Variants in DENND1B observed in about 807,000 individuals in gnomAD.
The protein encoded by DENND1B is DENN domain containing 1B, also known as DENN domain-containing protein 1B.
DENND1B carries 59 observed loss-of-function variants against 90.1 expected under a neutral mutation model. The observed-to-expected ratio is 0.65, with a 90% CI of 0.53 to 0.81. DENND1B has a LOEUF of 0.81. Among genes scored for constraint, DENND1B ranks in the 40% least tolerant of loss-of-function variants. The pLI, the probability that DENND1B is intolerant of heterozygous loss-of-function variation, is 0.00. For missense variants in DENND1B, 862 were observed against 912.6 expected, an observed-to-expected ratio of 0.94 and a Z score of 0.71; for synonymous variants, 337 against 324.6, an observed-to-expected ratio of 1.04 and a Z score of -0.41.
At position 197,623,478 on chromosome 1, in the gene DENND1B, G is replaced by GA. The variant is rs1465600351; in HGVS notation, c.673-5720dup. Among the ~76,000 whole-genome samples the GA allele has an allele frequency of 3.3e-5, 5 of 151,574 alleles. No homozygotes were observed. In the East Asian group the frequency reaches 9.7e-4, roughly 30 times the overall value. ...TTAACTACTAAATAGTCTCACTTAA[G>GA]AAAAACTCTAATATTCAAATTAAGT... On this transcript the variant is annotated intron_variant, in intron 10 of 22. Coordinates refer to ENST00000620048, the MANE Select transcript of DENND1B (RefSeq NM_001195215.2).
chr1:197,617,556 T>C lies in DENND1B; in HGVS notation c.773+103A>G, dbSNP rs577890597. 8 of 764,768 alleles carry C rather than the reference T, an allele frequency of 1.0e-5. No individual in the cohort carries two copies. In the African/African-American group the frequency reaches 1.2e-4, roughly 12 times the overall value. The allele number at this position is 764,768 out of a possible 1,614,324, so 47.4% of individuals were successfully genotyped here. A position where few individuals can be genotyped will look rare whatever the true frequency, so the allele number is the denominator to read the frequency against. On this transcript the variant is annotated intron_variant, in intron 11 of 22. Coordinates refer to ENST00000620048, the MANE Select transcript of DENND1B (RefSeq NM_001195215.2). ...CTATTTATTAAAATGTAAGTTTCTG[T>C]GATTTCTTTTAAATATGCCCCCAAG...
chr1:197,708,081 C>G (rs1410797600), intron 3 of DENND1B, among the ~76,000 whole-genome samples: 1 of 139,110 alleles, frequency 7.2e-6, no homozygotes, highest in Non-Finnish European at 1.6e-5. Context: ...GGTCCTACGC[C>G]CACGGAATCG....
chr1:197,525,783 G>A (rs1669095800), intron 20 of DENND1B, among the ~76,000 whole-genome samples: 1 of 151,984 alleles, frequency 6.6e-6, no homozygotes, highest in African/African-American at 2.4e-5. Flanking sequence ...GTATTAAAAT[G>A]CTTCTGGTGT....
intron 20 of DENND1B, among the ~76,000 whole-genome samples, chr1:197,528,349 T>C (rs1016674054): frequency 1.3e-5 from 2 of 152,174 alleles, no homozygotes; most frequent in East Asian, 1.9e-4. Context: ...TAAAAGTATA[T>C]ATGACTTCTG....
chr1:197,687,116 GTTGAGAACATGAACACAGAGTTCAGAA>G (rs1477004142), intron 3 of DENND1B, among the ~76,000 whole-genome samples: 1 of 152,194 alleles, frequency 6.6e-6, no homozygotes, highest in African/African-American at 2.4e-5. Context: ...AGTATAAATA[GTTGAGAACATGAACACAGAGTTCAGAA>G]TGCATTGACT....
At chr1:197,519,191 T>C (rs1237499983) in intron 20 of DENND1B, among the ~76,000 whole-genome samples, 1 of 151,924 alleles carries the variant, frequency 6.6e-6, no homozygotes, top group Non-Finnish European at 1.5e-5. Flanking sequence ...CTTACTGGGG[T>C]TTCCATATTA....
chr1:197,613,853 C>T (rs563157699), intron 11 of DENND1B, among the ~76,000 whole-genome samples: 6 of 151,002 alleles, frequency 4.0e-5, no homozygotes, highest in African/African-American at 1.5e-4. Context: ...CAGAAAAGCC[C>T]ATGCTGTCTG....
At chr1:197,580,919 G>C (rs994232631) in intron 15 of DENND1B, among the ~76,000 whole-genome samples, 6 of 152,022 alleles carry the variant, frequency 3.9e-5, no homozygotes, top group African/African-American at 1.4e-4. Flanking sequence ...GTAGTATGTA[G>C]GTTATTTATG....
At chr1:197,556,756 G>C (rs780381195) in intron 15 of DENND1B, among the ~76,000 whole-genome samples, 2 of 151,856 alleles carry the variant, frequency 1.3e-5, no homozygotes, top group Non-Finnish European at 2.9e-5. Context: ...ATTGCAAAGA[G>C]CTAATTAAAA....
chr1:197,753,654 T>C (rs1653864588), intron 2 of DENND1B, among the ~76,000 whole-genome samples: 1 of 152,030 alleles, frequency 6.6e-6, no homozygotes, highest in Non-Finnish European at 1.5e-5. Context: ...GCAAGTGATA[T>C]ATGGGAAAAC....
At chr1:197,657,070 C>G (rs1572216425) in intron 6 of DENND1B, among the ~76,000 whole-genome samples, 1 of 152,138 alleles carries the variant, frequency 6.6e-6, no homozygotes, top group South Asian at 2.1e-4. Context: ...ATAAATTGGA[C>G]TTCATTAAAA....
rs760114341 is a variant in DENND1B, at chr1:197,512,862, ATTAC to A, written c.1598+5_1598+8del. On this transcript the variant is annotated splice_donor_5th_base_variant and intron_variant, in intron 21 of 22. Transcript: ENST00000620048. ...TCCACTTAATAGGACACCAAAATCC[ATTAC>A]TTACTTGCTTGCTCTTTCAATGTCA... The A allele has an allele frequency of 6.8e-6, 11 of 1,609,424 alleles. No homozygotes were observed. Among genetic ancestry groups the A allele is most frequent in the African/African-American group, 2.7e-5 (2 of 74,576 alleles).
Position 197,674,165 on chromosome 1 carries a change from A to C in DENND1B, c.131T>G (p.Ile44Arg), listed in dbSNP as rs1340888078. ...ACAGAACTTTGGCACACTCTGTAGT[A>C]TTTCCTACAAATGGAAATTTCAAAA... ...KFPEDFGDQEILQSVPKFCFP... is the reference protein window; with the variant it reads ...KFPEDFGDQERLQSVPKFCFP... Residue 44 changes from isoleucine to arginine, a missense_variant, in exon 4 of 23, where the codon ATA (isoleucine) becomes AGA (arginine). Coordinates refer to ENST00000620048, the MANE Select transcript of DENND1B (RefSeq NM_001195215.2). 1 of 1,597,700 alleles carries C rather than the reference A, an allele frequency of 6.3e-7. No individual in the cohort carries two copies. Among genetic ancestry groups the C allele is most frequent in the Non-Finnish European group, 8.5e-7 (1 of 1,170,734 alleles).
chr1:197,508,418 A>G lies in DENND1B; in HGVS notation c.*2042T>C, dbSNP rs1227636830. On this transcript the variant is annotated 3_prime_UTR_variant, in exon 23 of 23. Coordinates refer to ENST00000620048, the MANE Select transcript of DENND1B (RefSeq NM_001195215.2). The stretch of plus-strand genomic sequence containing the variant: ...AAGGCAAAATTTGACAAGAACCTTG[A>G]GACTTCTGTATTAAAAAATAAGGAT... 6.6e-6 allele frequency: 1 copy of G among 151,710 alleles called. No homozygotes were observed. Among genetic ancestry groups the G allele is most frequent in the Admixed American group, 6.6e-5 (1 of 15,174 alleles). The allele number at this position is 151,710 out of a possible 1,614,324, so 9.4% of individuals were successfully genotyped here.
intron 6 of DENND1B, among the ~76,000 whole-genome samples, chr1:197,657,658 T>G (rs1653982635): frequency 6.8e-6 from 1 of 147,046 alleles, no homozygotes; most frequent in South Asian, 2.1e-4. Context: ...ATGTGGACAC[T>G]GTGGAAAATG....
intron 9 of DENND1B, among the ~76,000 whole-genome samples, chr1:197,643,301 C>G (rs779929670): frequency 1.3e-5 from 2 of 151,920 alleles, no homozygotes; most frequent in Non-Finnish European, 2.9e-5. Flanking sequence ...ATTACAGGTG[C>G]ACGCCACCAC....
At chr1:197,610,408 G>A (rs1193274809) in intron 12 of DENND1B, among the ~76,000 whole-genome samples, 1 of 150,088 alleles carries the variant, frequency 6.7e-6, no homozygotes, top group African/African-American at 2.4e-5. Flanking sequence ...ACAGTATTTT[G>A]GAAACGCTGA....
chr1:197,516,355 G>A (rs1359458), intron 20 of DENND1B, among the ~76,000 whole-genome samples: 144,761 of 151,854 alleles, frequency 0.95, 69,367 homozygotes, highest in South Asian at 1. Context: ...AAATAACAAC[G>A]TCCAAACAGG....
intron 13 of DENND1B, chr1:197,606,237 A>G (rs954767263): frequency 6.6e-6 from 1 of 151,078 alleles, no homozygotes; most frequent in Non-Finnish European, 1.5e-5. Context: ...CATACAGAAT[A>G]TGTCCCATTA....
Sources: gnomAD v4.1 joint callset for allele counts (sites outside exome capture counted in the v4.1 genomes callset) on GRCh38, gnomAD v4.1.1 for gene constraint, MANE v1.5 for transcripts, NCBI Gene and HGNC (gene_info 2026-07-23, HGNC 2026-07-21) for gene names.